Variants in UBE4B observed in about 807,000 individuals in gnomAD.
UBE4B encodes ubiquitin conjugation factor E4 B.
Under a neutral mutation model 148.1 loss-of-function variants are expected in UBE4B, and 27 were observed. The observed-to-expected ratio is 0.18, with a 90% confidence interval of 0.13 to 0.25. UBE4B has a LOEUF of 0.25. Ranked by LOEUF, UBE4B falls within the 10% of genes least tolerant of loss-of-function variation. The pLI is 1.00. For missense variants in UBE4B, 1,170 were observed against 1,662.4 expected (o/e 0.70, Z 5.15); for synonymous variants, 596 against 619.3 (o/e 0.96, Z 0.56).
At chr1:10,133,043 G>A (rs543976548) in intron 15 of UBE4B, among the ~76,000 whole-genome samples, 4 of 152,038 alleles carry the variant, frequency 2.6e-5, no homozygotes, top group East Asian at 1.9e-4. Context: ...CTATGTAGAC[G>A]GACCAAAACA....
intron 3 of UBE4B, among the ~76,000 whole-genome samples, chr1:10,100,241 G>A (rs1365718543): frequency 6.6e-6 from 1 of 152,062 alleles, no homozygotes; most frequent in Non-Finnish European, 1.5e-5. Context: ...CGCCCACCTC[G>A]GCCTCCCAAA....
intron 23 of UBE4B, among the ~76,000 whole-genome samples, chr1:10,167,517 C>T (rs1162168538): frequency 1.3e-5 from 2 of 149,762 alleles, no homozygotes; most frequent in African/African-American, 4.9e-5. Flanking sequence ...ACTACCCTTT[C>T]TTAGTGCCAT....
intron 5 of UBE4B, among the ~76,000 whole-genome samples, chr1:10,103,630 T>TG: frequency 6.7e-6 from 1 of 148,792 alleles, no homozygotes; most frequent in African/African-American, 2.5e-5. Flanking sequence ...TGTTTTGTTT[T>TG]TGTTTTTTTT....
rs778855245 is a variant in UBE4B at position 10,105,635 on chromosome 1, G to A, written c.700G>A (p.Ala234Thr). ...SLTATSQPIA[A>T]AARSPDRNLL... Reference sequence around the variant, plus strand: ...GACAGCCACATCACAGCCAATTGCTGCAGCAGCACGGTCACCAGACAGAAA... The same window carrying A: ...GACAGCCACATCACAGCCAATTGCTACAGCAGCACGGTCACCAGACAGAAA... Residue 234 changes from alanine (A) to threonine (T), a missense_variant, in exon 6 of 28, where the codon GCA becomes ACA. Transcript: ENST00000343090. The A allele has an allele frequency of 6.2e-7, 1 of 1,614,212 alleles. No individual in the cohort carries two copies. The highest frequency in any genetic ancestry group is 2.2e-5 in the East Asian group (1 of 44,888).
intron 2 of UBE4B, among the ~76,000 whole-genome samples, chr1:10,073,342 C>A (rs1252105413): frequency 6.6e-6 from 1 of 152,174 alleles, no homozygotes; most frequent in Non-Finnish European, 1.5e-5. Flanking sequence ...ATCCCATTCC[C>A]CACCTACACT....
chr1:10,055,925 A>C (rs950104473), intron 1 of UBE4B, among the ~76,000 whole-genome samples: 1 of 150,964 alleles, frequency 6.6e-6, no homozygotes, highest in Non-Finnish European at 1.5e-5. Context: ...TCTCAAAAAA[A>C]CAAAACAAAA....
intron 18 of UBE4B, 105 bp from the exon 19 acceptor site, chr1:10,146,858 C>G: frequency 6.9e-7 from 1 of 1,439,002 alleles, no homozygotes; most frequent in Middle Eastern, 2.0e-4. Flanking sequence ...TCTAGAAGCT[C>G]TGGAACCCAA....
intron 25 of UBE4B, among the ~76,000 whole-genome samples, chr1:10,174,000 G>T (rs1339762522): frequency 6.6e-6 from 1 of 152,218 alleles, no homozygotes; most frequent in East Asian, 1.9e-4. Flanking sequence ...TTCTGGCACA[G>T]TGACACACGG....
rs1645105331 is a variant in UBE4B at position 10,106,232 on chromosome 1, T to C, written c.845T>C (p.Phe282Ser). ...AGTAGTCCGGCTCCCACTCCCAGTT[T>C]CTGGAGCTCTGTTCCCGTGATGGGC... The part of the protein sequence containing the change: ...YESSPAPTPS[F>S]WSSVPVMGPS... The change falls in exon 7 of 28, where the codon TTC becomes TCC. Residue 282 changes from phenylalanine (F) to serine (S), a missense_variant. Coordinates refer to ENST00000343090, the MANE Select transcript of UBE4B (RefSeq NM_001105562.3). This position sits in a 1 kb window ranked among gnomAD's most constrained non-coding sequence, Gnocchi z 4.2. 4.3e-6 allele frequency: 7 copies of C among 1,610,194 alleles called. No individual in the cohort carries two copies. The East Asian group carries it at 1.6e-4, about 36-fold the overall frequency.
intron 26 of UBE4B, 169 bp downstream of exon 26, chr1:10,178,987 T>G: frequency 1.1e-5 from 8 of 701,788 alleles, no homozygotes; most frequent in Non-Finnish European, 1.7e-5. Context: ...TATTGTAAAT[T>G]GAGAGGAAGA....
At chr1:10,099,113 G>C (rs1403755078) in intron 3 of UBE4B, among the ~76,000 whole-genome samples, 1 of 152,032 alleles carries the variant, frequency 6.6e-6, no homozygotes, top group Non-Finnish European at 1.5e-5. Context: ...ATGGTGGTGC[G>C]TGCCTGTAAT....
At chr1:10,157,064 G>A (rs1191537019) in intron 21 of UBE4B, among the ~76,000 whole-genome samples, 3 of 152,146 alleles carry the variant, frequency 2.0e-5, no homozygotes, top group Admixed American at 2.0e-4. Context: ...CGCCCAGGCT[G>A]GAGTGCAGTG....
At position 10,144,980 on chromosome 1, in the gene UBE4B, G is replaced by T; in HGVS notation, c.2404G>T (p.Asp802Tyr). 3 of 1,613,832 alleles carry T rather than the reference G, an allele frequency of 1.9e-6. No individual in the cohort carries two copies. Among genetic ancestry groups the T allele is most frequent in the Non-Finnish European group, 2.5e-6 (3 of 1,179,902 alleles). Reference protein sequence around the residue: ...DLKNNESQWKDSPLATRHREM... With the variant: ...DLKNNESQWKYSPLATRHREM... The stretch of plus-strand genomic sequence containing the variant: ...GAAAAATAATGAAAGCCAATGGAAA[G>T]ATTCCCCACTGGCAACTAGACACCG... The change falls in exon 18 of 28, where the codon GAT (aspartate) becomes TAT (tyrosine). Residue 802 changes from aspartate (D) to tyrosine (Y), a missense_variant. Around this residue, in one of 6 missense-constraint regions of UBE4B, gnomAD observed 388 missense variants for 536.0 expected, o/e 0.72. Coordinates refer to ENST00000343090, the MANE Select transcript of UBE4B (RefSeq NM_001105562.3).
At chr1:10,165,140 A>G (rs773215959) in intron 23 of UBE4B, among the ~76,000 whole-genome samples, 2 of 152,118 alleles carry the variant, frequency 1.3e-5, no homozygotes, top group African/African-American at 2.4e-5. Flanking sequence ...CAGACCAAGT[A>G]TTTGTCTAAT....
At chr1:10,146,409 G>A (rs980541825) in intron 18 of UBE4B, among the ~76,000 whole-genome samples, 2 of 152,134 alleles carry the variant, frequency 1.3e-5, no homozygotes, top group African/African-American at 2.4e-5. Context: ...CCAAGATCGC[G>A]CCACTGCACT....
intron 1 of UBE4B, chr1:10,054,436 C>T: frequency 2.8e-6 from 1 of 362,468 alleles, no homozygotes; most frequent in Non-Finnish European, 5.3e-6. Flanking sequence ...TTTTTTCACA[C>T]CTCTTATGCC....
chr1:10,042,012 A>G (rs530129601), intron 1 of UBE4B, among the ~76,000 whole-genome samples: 2 of 152,214 alleles, frequency 1.3e-5, no homozygotes, highest in African/African-American at 2.4e-5. Context: ...TTGGCTCACT[A>G]CAACCTCTGA....
In UBE4B at chr1:10,106,914, C is replaced by T. The variant is rs1161510115; in HGVS notation, c.1196+331C>T. 6.6e-6 allele frequency among the ~76,000 whole-genome samples: 1 copy of T among 152,052 alleles called. No homozygotes were observed. Among genetic ancestry groups the T allele is most frequent in the Non-Finnish European group, 1.5e-5 (1 of 68,014 alleles). Reference sequence around the variant, plus strand: ...AGACCAAGCAGGTGTGGGAGCAAATCTGGGCCTGGTGTTTTTTACTTCTGG... The same window carrying T: ...AGACCAAGCAGGTGTGGGAGCAAATTTGGGCCTGGTGTTTTTTACTTCTGG... On this transcript the variant is annotated intron_variant, in intron 7 of 27. Coordinates refer to ENST00000343090, the MANE Select transcript of UBE4B (RefSeq NM_001105562.3). This position sits in a 1 kb window ranked among gnomAD's most constrained non-coding sequence, Gnocchi z 4.2.
At chr1:10,155,084 A>AGTGTGTGT (rs144718535) in intron 21 of UBE4B, among the ~76,000 whole-genome samples, 12 of 146,292 alleles carry the variant, frequency 8.2e-5, no homozygotes, top group South Asian at 4.3e-4. Context: ...AGAGAGAGAG[A>AGTGTGTGT]GTGTGTGTGT....
Sources: gnomAD v4.1 joint callset for allele counts (sites outside exome capture counted in the v4.1 genomes callset) on GRCh38, gnomAD v4.1.1 for gene constraint, gnomAD v4.1.1 regional missense constraint, Gnocchi (gnomAD v3.1) non-coding constraint, MANE v1.5 for transcripts, NCBI Gene and HGNC (gene_info 2026-07-23, HGNC 2026-07-21) for gene names.